Variants in HIBADH observed in about 807,000 individuals in gnomAD.
HIBADH encodes 3-hydroxyisobutyrate dehydrogenase, mitochondrial.
HIBADH carries 25 observed loss-of-function variants against 36.1 expected under a neutral mutation model. The ratio of observed to expected loss-of-function variants is 0.69; its 90% CI spans 0.50 to 0.97. HIBADH has a LOEUF of 0.97. Among genes scored for constraint, HIBADH ranks in the 50% least tolerant of loss-of-function variants. The pLI is 0.00. For synonymous variants in HIBADH, 160 were observed against 149.5 expected, an observed-to-expected ratio of 1.07 and a Z score of -0.51; for missense variants, 421 against 418.0, an observed-to-expected ratio of 1.01 and a Z score of -0.06.
intron 4 of HIBADH, among the ~76,000 whole-genome samples, chr7:27,574,048 A>G (rs767752676): frequency 6.6e-6 from 1 of 152,198 alleles, no homozygotes; most frequent in Non-Finnish European, 1.5e-5. Flanking sequence ...AAATTGTAAT[A>G]TACTATAGAG....
chr7:27,595,181 T>G (rs992389224), intron 4 of HIBADH, among the ~76,000 whole-genome samples: 2 of 151,776 alleles, frequency 1.3e-5, no homozygotes, highest in South Asian at 4.1e-4. Flanking sequence ...CAGAAAATAT[T>G]TGCAACATTT....
At chr7:27,647,237 G>C (rs1786089970) in intron 2 of HIBADH, among the ~76,000 whole-genome samples, 1 of 152,202 alleles carries the variant, frequency 6.6e-6, no homozygotes, top group South Asian at 2.1e-4. Flanking sequence ...CTGCAGCATG[G>C]AGACGCTGGA....
chr7:27,544,634 A>C (rs1184937159), intron 4 of HIBADH, among the ~76,000 whole-genome samples: 1 of 152,224 alleles, frequency 6.6e-6, no homozygotes, highest in Non-Finnish European at 1.5e-5. Flanking sequence ...TAAACCATAT[A>C]ACCACCATTC....
intron 1 of HIBADH, among the ~76,000 whole-genome samples, chr7:27,654,656 T>C (rs570416433): frequency 1.3e-5 from 2 of 151,280 alleles, no homozygotes; most frequent in African/African-American, 4.9e-5. Flanking sequence ...TATGAATCAA[T>C]CTCAGGGGTA....
intron 4 of HIBADH, among the ~76,000 whole-genome samples, chr7:27,558,232 A>G (rs963836238): frequency 6.6e-6 from 1 of 152,140 alleles, no homozygotes; most frequent in Non-Finnish European, 1.5e-5. Context: ...TAATTTCCTA[A>G]TTAATTCCAA....
chr7:27,574,238 AATCCCCAGAGAAAATTTCAG>A (rs1784670780), intron 4 of HIBADH, among the ~76,000 whole-genome samples: 1 of 152,140 alleles, frequency 6.6e-6, no homozygotes, highest in African/African-American at 2.4e-5. Context: ...AAAGCAGGTG[AATCCCCAGAGAAAATTTCAG>A]ATCCCACAGC....
At chr7:27,536,029 C>A (rs925577757) in intron 6 of HIBADH, among the ~76,000 whole-genome samples, 4 of 151,966 alleles carry the variant, frequency 2.6e-5, no homozygotes, top group African/African-American at 9.7e-5. Flanking sequence ...GTGGCTACAC[C>A]ATTTTGATGC....
chr7:27,537,756 T>C (rs1463717702), intron 6 of HIBADH, among the ~76,000 whole-genome samples: 3 of 152,154 alleles, frequency 2.0e-5, no homozygotes, highest in Admixed American at 6.6e-5. Flanking sequence ...GCCACTTTAA[T>C]AGAAAGATAC....
At chr7:27,550,064 C>A (rs1784297559) in intron 4 of HIBADH, among the ~76,000 whole-genome samples, 1 of 152,100 alleles carries the variant, frequency 6.6e-6, no homozygotes, top group Admixed American at 6.5e-5. Flanking sequence ...CGTGCCACCA[C>A]ACCTAGCTAA....
At chr7:27,606,284 G>C (rs1364247579) in intron 4 of HIBADH, among the ~76,000 whole-genome samples, 1 of 152,106 alleles carries the variant, frequency 6.6e-6, no homozygotes, top group Non-Finnish European at 1.5e-5. Flanking sequence ...TGACCATCAA[G>C]TTCACAATGC....
intron 4 of HIBADH, among the ~76,000 whole-genome samples, chr7:27,583,081 C>A (rs193102866): frequency 6.6e-6 from 1 of 152,206 alleles, no homozygotes; most frequent in African/African-American, 2.4e-5. Context: ...AATTTACTTT[C>A]TGTATTACAG....
chr7:27,651,808 C>T (rs1002807074), intron 1 of HIBADH, among the ~76,000 whole-genome samples: 18 of 152,046 alleles, frequency 1.2e-4, no homozygotes, highest in Non-Finnish European at 8.8e-5. Context: ...AGAAATAAAC[C>T]ATGTACATAA....
At chr7:27,529,425 C>A (rs905620483) in intron 7 of HIBADH, among the ~76,000 whole-genome samples, 3 of 152,086 alleles carry the variant, frequency 2.0e-5, no homozygotes, top group Non-Finnish European at 4.4e-5. Context: ...GTCAAAATAT[C>A]AACATTAACA....
chr7:27,531,529 G>A (rs1208692819), intron 6 of HIBADH, among the ~76,000 whole-genome samples, 181 bp from the exon 7 acceptor site: 1 of 152,150 alleles, frequency 6.6e-6, no homozygotes, highest in African/African-American at 2.4e-5. Context: ...AACACTACTG[G>A]TTAAATAAGA....
intron 6 of HIBADH, among the ~76,000 whole-genome samples, chr7:27,533,022 C>G (rs1279377497): frequency 1.3e-5 from 2 of 152,142 alleles, no homozygotes; most frequent in African/African-American, 4.8e-5. Flanking sequence ...GGAGAAAATA[C>G]TTTTAAAGAC....
intron 4 of HIBADH, among the ~76,000 whole-genome samples, chr7:27,602,138 T>C (rs1361602842): frequency 6.6e-6 from 1 of 151,588 alleles, no homozygotes; most frequent in African/African-American, 2.4e-5. Flanking sequence ...CATATTGTCC[T>C]ATTGTGCCTT....
chr7:27,629,339 A>C (rs1785704684), intron 4 of HIBADH, 32 bp downstream of exon 4: 1 of 1,597,172 alleles, frequency 6.3e-7, no homozygotes, highest in South Asian at 1.1e-5. Flanking sequence ...ACAAACATAA[A>C]TAGGTTTGCA....
In HIBADH at chr7:27,616,351, G is replaced by C. The variant is rs552951734; in HGVS notation, c.484+13020C>G. Among the ~76,000 whole-genome samples the C allele has an allele frequency of 2.6e-5, 4 of 152,260 alleles. No homozygotes were observed. The East Asian group carries it at 7.7e-4, about 29-fold the overall frequency. On this transcript the variant is annotated intron_variant, in intron 4 of 7. Coordinates refer to ENST00000265395, the MANE Select transcript of HIBADH (RefSeq NM_152740.4). ...CACTGGGGATCAAATTTCAACATGA[G>C]GTCTGGAGGGCTCATATATCCAAAC... is the stretch of plus-strand genomic sequence containing the variant.
At chr7:27,567,580 A>T (rs6975900) in intron 4 of HIBADH, among the ~76,000 whole-genome samples, 1 of 151,836 alleles carries the variant, frequency 6.6e-6, no homozygotes, top group Admixed American at 6.6e-5. Flanking sequence ...CTTCTTCTGC[A>T]TTACAGTATT....
Sources: allele counts gnomAD v4.1 joint callset (sites outside exome capture counted in the v4.1 genomes callset), GRCh38; gene constraint gnomAD v4.1.1; transcripts MANE v1.5; gene names NCBI Gene and HGNC (gene_info 2026-07-23, HGNC 2026-07-21).